Variants in DUSP11 observed in about 807,000 individuals in gnomAD.
DUSP11 encodes dual specificity phosphatase 11, also known as RNA/RNP complex-1-interacting phosphatase.
In DUSP11, 27 loss-of-function variants were observed where a neutral mutation model predicts 41.4. That is an observed-to-expected ratio of 0.65 (90% CI 0.48 to 0.90). The LOEUF is 0.90. Ranked by LOEUF, DUSP11 falls within the 40% of genes least tolerant of loss-of-function variation. DUSP11 has a pLI of 0.00. For synonymous variants in DUSP11, 188 were observed against 159.3 expected (o/e 1.18, Z -1.35); for missense variants, 465 against 461.1 (o/e 1.01, Z -0.08).
chr2:73,773,342 T>C (rs1272645240), intron 4 of DUSP11: 1 of 209,494 alleles, frequency 4.8e-6, no homozygotes, highest in African/African-American at 2.4e-5. Context: ...TATACATGTG[T>C]CTTAAATACA....
chr2:73,765,758 A>G (rs1250040997), intron 8 of DUSP11, among the ~76,000 whole-genome samples: 2 of 152,190 alleles, frequency 1.3e-5, no homozygotes, highest in Admixed American at 6.5e-5. Context: ...TATTTTTCTT[A>G]TAATTCATAT....
rs987122665 is a variant in DUSP11, at chr2:73,766,754, A to C, written c.758+74T>G. 11 of 1,389,114 alleles carry C rather than the reference A, an allele frequency of 7.9e-6. No homozygotes were observed. In the African/African-American group the frequency reaches 1.1e-4, roughly 14 times the overall value. The allele number at this position is 1,389,114 out of a possible 1,614,324, so 86.0% of individuals were successfully genotyped here. A position where few individuals can be genotyped will look rare whatever the true frequency, so the allele number is the denominator to read the frequency against. On this transcript the variant is annotated intron_variant, in intron 7 of 8. Coordinates refer to ENST00000272444, the Ensembl canonical transcript of DUSP11. ...AACAAACAAGCTACCAGAAGAATGA[A>C]CATATGCAACTTAAATTACATAAAC...
chr2:73,769,167 G>A (rs1672526799), intron 5 of DUSP11, 98 bp downstream of exon 5: 1 of 986,112 alleles, frequency 1.0e-6, no homozygotes, highest in African/African-American at 1.6e-5. Flanking sequence ...TCTACTTCAT[G>A]TATTTCTATA....
chr2:73,778,436 TAA>T, intron 1 of DUSP11, 60 bp from the exon 2 acceptor site: 1 of 1,164,508 alleles, frequency 8.6e-7, no homozygotes, highest in Non-Finnish European at 1.2e-6. Context: ...TTGCACAAAA[TAA>T]GACTTTTTGA....
At chr2:73,776,473 T>C (rs1672689221) in intron 2 of DUSP11, among the ~76,000 whole-genome samples, 2 of 149,286 alleles carry the variant, frequency 1.3e-5, no homozygotes, top group Non-Finnish European at 1.5e-5. Flanking sequence ...ACAGCAAAAC[T>C]GAGCCAAAAG....
intron 7 of DUSP11, 115 bp from the exon 8 acceptor site, chr2:73,766,709 G>T: frequency 1.5e-6 from 2 of 1,366,800 alleles, no homozygotes; most frequent in Non-Finnish European, 1.0e-6. Flanking sequence ...ATTCCTATTT[G>T]TTTACATCTC....
chr2:73,775,944 C>T (rs1011746517), intron 2 of DUSP11, among the ~76,000 whole-genome samples: 24 of 150,158 alleles, frequency 1.6e-4, no homozygotes, highest in African/African-American at 5.9e-4. Flanking sequence ...AACTCCTGAG[C>T]TCAAGCAACC....
chr2:73,766,305 T>G, intron 8 of DUSP11, 113 bp downstream of exon 8: 1 of 965,912 alleles, frequency 1.0e-6, no homozygotes, highest in Admixed American at 3.5e-5. Flanking sequence ...CGAGACTCTG[T>G]CTCCAAAAAA....
intron 1 of DUSP11, 51 bp from the exon 2 acceptor site, chr2:73,778,427 T>C: frequency 8.1e-7 from 1 of 1,237,826 alleles, no homozygotes; most frequent in Non-Finnish European, 1.1e-6. Flanking sequence ...CTTGTTTCCT[T>C]GCACAAAATA....
At chr2:73,775,684 T>C (rs1672666311) in intron 2 of DUSP11, among the ~76,000 whole-genome samples, 3 of 149,950 alleles carry the variant, frequency 2.0e-5, no homozygotes, top group Non-Finnish European at 3.0e-5. Context: ...TGAAACCCCG[T>C]CTCTACTAAA....
At position 73,768,620 on chromosome 2, in the gene DUSP11, T is replaced by C. The variant is rs79010861; in HGVS notation, c.635+645A>G. ...TTATAATATCAAAAACTTCTGACTT[T>C]TGTGTTCATCGGTGTGCAAAGAACA... On this transcript the variant is annotated intron_variant, in intron 5 of 8. Transcript: ENST00000272444. 2.1e-4 allele frequency: 204 copies of C among 985,418 alleles called. 1 individual carries two copies. In the East Asian group the frequency reaches 0.014, roughly 67 times the overall value. 61.0% of individuals were successfully genotyped at this position (985,418 alleles called of 1,614,324 possible).
rs769291574 is a variant in DUSP11 at position 73,779,896 on chromosome 2, CCTT to C, written c.217_219del (p.Lys73del). 22 of 1,614,088 alleles carry C rather than the reference CCTT, an allele frequency of 1.4e-5. No homozygotes were observed. The African/African-American group carries it at 1.6e-4, about 12-fold the overall frequency. ...TACCTTTCGGGGATGTGGTTTCCGC[CCTT>C]CTTCTTGGCTGAGGAGCGTCCTGAA... On this transcript the variant is annotated inframe_deletion, in exon 1 of 9. Transcript: ENST00000272444.
rs1573179337 is a variant in DUSP11 at position 73,769,039 on chromosome 2, T to C, written c.635+226A>G. The C allele has an allele frequency of 9.9e-6, 4 of 402,334 alleles. No homozygotes were observed. The East Asian group carries it at 1.1e-4, about 11-fold the overall frequency. 24.9% of individuals were successfully genotyped at this position (402,334 alleles called of 1,614,324 possible). A position where few individuals can be genotyped will look rare whatever the true frequency, so the allele number is the denominator to read the frequency against. ...TCACATATTAAATTAAAAAACAGAA[T>C]GTCTAACTATTATACCATTCAATAA... On this transcript the variant is annotated intron_variant, in intron 5 of 8. Transcript: ENST00000272444.
intron 1 of DUSP11, chr2:73,779,535 T>G (rs894792863): frequency 3.1e-6 from 1 of 320,012 alleles, no homozygotes. Context: ...CCATTACACT[T>G]TCCGTGCCAA....
In DUSP11 at chr2:73,780,104, G is replaced by A. The variant is rs1672765757; in HGVS notation, c.12C>T (p.Ser4=). ...CACCTACGCCGCGCTCCAGCGTCTC[G>A]CTATTGCGCATGTGCCACCGCCGGT... Residue 4 remains serine, a synonymous_variant, in exon 1 of 9, where the codon AGC becomes AGT. Coordinates refer to ENST00000272444, the Ensembl canonical transcript of DUSP11. 2 of 1,560,678 alleles carry A rather than the reference G, an allele frequency of 1.3e-6. No individual in the cohort carries two copies. The highest frequency in any genetic ancestry group is 1.7e-6 in the Non-Finnish European group (2 of 1,151,478).
intron 3 of DUSP11, among the ~76,000 whole-genome samples, chr2:73,774,536 A>G (rs570230177): frequency 7.0e-4 from 106 of 152,316 alleles, no homozygotes; most frequent in African/African-American, 2.4e-3. Context: ...CCACTAAACC[A>G]TAATTCCCTT....
chr2:73,763,569 C>T (rs1672402299), intron 8 of DUSP11, among the ~76,000 whole-genome samples: 2 of 151,980 alleles, frequency 1.3e-5, no homozygotes, highest in South Asian at 4.2e-4. Context: ...ATTAAAAATA[C>T]AAAGTTAGCC....
chr2:73,778,466 C>T (rs1217976071), intron 1 of DUSP11, 90 bp from the exon 2 acceptor site: 21 of 752,718 alleles, frequency 2.8e-5, no homozygotes, highest in Middle Eastern at 2.4e-4. Flanking sequence ...AATCATAGCC[C>T]GCACAACATG....
chr2:73,775,919 C>G (rs1357336609), intron 2 of DUSP11, among the ~76,000 whole-genome samples: 1 of 149,266 alleles, frequency 6.7e-6, no homozygotes, highest in Non-Finnish European at 1.5e-5. Flanking sequence ...TGCCATGTAG[C>G]CCAGGCTGAT....
Sources: gnomAD v4.1 joint callset for allele counts (sites outside exome capture counted in the v4.1 genomes callset) on GRCh38, gnomAD v4.1.1 for gene constraint, MANE v1.5 for transcripts, NCBI Gene and HGNC (gene_info 2026-07-23, HGNC 2026-07-21) for gene names.